The following GRIN2A variants were observed in gnomAD, a reference collection of about 807,000 sequenced individuals.
GRIN2A encodes the protein glutamate receptor ionotropic, NMDA 2A.
GRIN2A carries 22 observed loss-of-function variants against 113.4 expected under a neutral mutation model. The observed-to-expected ratio is 0.19, with a 90% confidence interval of 0.14 to 0.28. GRIN2A has a LOEUF of 0.28. GRIN2A is among the 10% of genes least tolerant of loss of function. The probability of loss-of-function intolerance (pLI) is 1.00; values close to 1 mark genes in which losing one functional copy is unlikely to be tolerated. For synonymous variants in GRIN2A, 827 were observed against 738.4 expected (o/e 1.12, Z -1.94); for missense variants, 1,502 against 1,887.0 (o/e 0.80, Z 3.78).
chr16:10,012,675 G>T lies in GRIN2A; in HGVS notation c.415-74124C>A, dbSNP rs558092729. 3.3e-5 allele frequency among the ~76,000 whole-genome samples: 5 copies of T among 152,296 alleles called. No homozygotes were observed. In the East Asian group the frequency reaches 9.7e-4, roughly 29 times the overall value. On this transcript the variant is annotated intron_variant, in intron 2 of 12. Coordinates refer to ENST00000330684, the MANE Select transcript of GRIN2A (RefSeq NM_001134407.3). ...CTTGAGATGGGGAGAAAGGACATTTGAAAGTAGAGTCTGAGAAAGATATTT... is the reference window on the plus strand; with the variant it reads ...CTTGAGATGGGGAGAAAGGACATTTTAAAGTAGAGTCTGAGAAAGATATTT...
rs1305204170 is a variant in GRIN2A at position 10,111,687 on chromosome 16, C to T, written c.414+68311G>A. On this transcript the variant is annotated intron_variant, in intron 2 of 12. Coordinates refer to ENST00000330684, the MANE Select transcript of GRIN2A (RefSeq NM_001134407.3). ...ACTGCACCCCAGAGTTCCAGGCCAA[C>T]GAGGTGCATAAGGTCAAGAAGTTTG... 28 of 1,567,624 alleles carry T rather than the reference C, an allele frequency of 1.8e-5. No homozygotes were observed. The East Asian group carries it at 2.5e-4, about 14-fold the overall frequency.
chr16:10,090,153 T>A (rs1455307706), intron 2 of GRIN2A, among the ~76,000 whole-genome samples: 1 of 152,104 alleles, frequency 6.6e-6, no homozygotes, highest in Non-Finnish European at 1.5e-5. Flanking sequence ...CCCTATACTC[T>A]ATTTTACCAT....
At chr16:9,994,785 G>A (rs1353603217) in intron 2 of GRIN2A, among the ~76,000 whole-genome samples, 1 of 152,194 alleles carries the variant, frequency 6.6e-6, no homozygotes, top group Non-Finnish European at 1.5e-5. Flanking sequence ...ATCTCCATTG[G>A]AACTCCTTTA....
At chr16:10,145,263 T>C (rs781019379) in intron 2 of GRIN2A, among the ~76,000 whole-genome samples, 14 of 152,178 alleles carry the variant, frequency 9.2e-5, no homozygotes, top group Admixed American at 2.6e-4. Flanking sequence ...CAACATAGTG[T>C]CTATAGTTAA....
chr16:9,772,492 C>T (rs1291779574), intron 11 of GRIN2A, among the ~76,000 whole-genome samples: 1 of 152,196 alleles, frequency 6.6e-6, no homozygotes, highest in African/African-American at 2.4e-5. Flanking sequence ...CCACCTCAGC[C>T]TCCGAAGTAG....
chr16:10,017,348 GT>G (rs1332283681), intron 2 of GRIN2A, among the ~76,000 whole-genome samples: 2 of 152,082 alleles, frequency 1.3e-5, no homozygotes, highest in African/African-American at 4.8e-5. Flanking sequence ...ATGAGTCTTG[GT>G]GGGGCGGCAG....
intron 3 of GRIN2A, among the ~76,000 whole-genome samples, chr16:9,893,831 A>C (rs947375566): frequency 2.6e-5 from 4 of 152,230 alleles, no homozygotes; most frequent in African/African-American, 9.6e-5. Context: ...GGTCAAAGAA[A>C]GCATATTTAC....
intron 2 of GRIN2A, among the ~76,000 whole-genome samples, chr16:10,070,687 C>T (rs1238709532): frequency 2.0e-5 from 3 of 152,168 alleles, no homozygotes; most frequent in African/African-American, 7.2e-5. Flanking sequence ...TTAGCAGGCC[C>T]TTCTTCCCCC....
intron 11 of GRIN2A, among the ~76,000 whole-genome samples, chr16:9,786,375 C>G (rs1172894344): frequency 6.6e-6 from 1 of 152,156 alleles, no homozygotes; most frequent in Non-Finnish European, 1.5e-5. Context: ...AAAAATTAGG[C>G]TGGGCCTGCT....
intron 2 of GRIN2A, among the ~76,000 whole-genome samples, chr16:9,960,563 T>C (rs1231927356): frequency 6.6e-6 from 1 of 152,222 alleles, no homozygotes; most frequent in Non-Finnish European, 1.5e-5. Flanking sequence ...AACCAGACTA[T>C]CTTTTATTAA....
intron 2 of GRIN2A, among the ~76,000 whole-genome samples, chr16:10,005,952 T>C (rs992209669): frequency 6.6e-6 from 1 of 152,156 alleles, no homozygotes; most frequent in African/African-American, 2.4e-5. Flanking sequence ...AAACCATAAG[T>C]TCTTAAGGGA....
intron 2 of GRIN2A, among the ~76,000 whole-genome samples, chr16:10,018,777 A>G (rs1435964106): frequency 2.0e-5 from 3 of 152,060 alleles, no homozygotes; most frequent in Non-Finnish European, 4.4e-5. Flanking sequence ...TCATCTCCCA[A>G]CCCGAGGTTG....
At chr16:10,172,479 C>A (rs1295484166) in intron 2 of GRIN2A, among the ~76,000 whole-genome samples, 1 of 152,240 alleles carries the variant, frequency 6.6e-6, no homozygotes, top group Non-Finnish European at 1.5e-5. Flanking sequence ...ATAGGCCTCA[C>A]AGCCAAGTGC....
intron 11 of GRIN2A, among the ~76,000 whole-genome samples, chr16:9,773,694 A>G (rs1279788140): frequency 6.6e-6 from 1 of 152,088 alleles, no homozygotes; most frequent in Non-Finnish European, 1.5e-5. Context: ...CAGTAAGCTC[A>G]TGCACATTTG....
intron 11 of GRIN2A, among the ~76,000 whole-genome samples, chr16:9,774,397 G>A (rs987291119): frequency 2.6e-5 from 4 of 152,124 alleles, no homozygotes; most frequent in African/African-American, 9.7e-5. Flanking sequence ...ATACACTCAG[G>A]TATTAATACA....
intron 2 of GRIN2A, among the ~76,000 whole-genome samples, chr16:9,995,632 C>T (rs1365804940): frequency 1.3e-5 from 2 of 151,874 alleles, no homozygotes; most frequent in African/African-American, 4.8e-5. Flanking sequence ...CATAAATCAC[C>T]CAAGGTCCCA....
chr16:10,167,473 A>G (rs949653242), intron 2 of GRIN2A, among the ~76,000 whole-genome samples: 12 of 152,152 alleles, frequency 7.9e-5, no homozygotes, highest in Admixed American at 7.2e-4. Flanking sequence ...CAGGGATTGT[A>G]GTTTTCAAGT....
intron 9 of GRIN2A, among the ~76,000 whole-genome samples, chr16:9,828,106 A>G (rs2042420746): frequency 6.6e-6 from 1 of 152,192 alleles, no homozygotes; most frequent in Non-Finnish European, 1.5e-5. Context: ...TTCCAGGAGG[A>G]GCCAACCATG....
chr16:9,792,499 C>T (rs1267755227), intron 11 of GRIN2A, among the ~76,000 whole-genome samples: 1 of 152,166 alleles, frequency 6.6e-6, no homozygotes. Flanking sequence ...GTTAAGATTA[C>T]AGGCATGAGC....
Sources: allele counts gnomAD v4.1 joint callset (sites outside exome capture counted in the v4.1 genomes callset), GRCh38; gene constraint gnomAD v4.1.1; transcripts MANE v1.5; gene names NCBI Gene and HGNC (gene_info 2026-07-23, HGNC 2026-07-21).